RAB11FIP4: variants seen among roughly 807,000 people sequenced by gnomAD.
RAB11FIP4 encodes rab11 family-interacting protein 4.
RAB11FIP4 carries 23 observed loss-of-function variants against 74.3 expected under a neutral mutation model. That is an observed-to-expected ratio of 0.31 (90% CI 0.22 to 0.44). The LOEUF (loss-of-function observed/expected upper bound fraction) is 0.44. Among genes scored for constraint, RAB11FIP4 ranks in the 20% least tolerant of loss-of-function variants. The pLI, the probability that RAB11FIP4 is intolerant of heterozygous loss-of-function variation, is 1.00. For missense variants in RAB11FIP4, 630 were observed against 863.9 expected, an observed-to-expected ratio of 0.73 and a Z score of 3.39; for synonymous variants, 360 against 359.9, an observed-to-expected ratio of 1.00 and a Z score of 0.00.
intron 7 of RAB11FIP4, 69 bp from the exon 8 acceptor site, chr17:31,523,443 C>T (rs1424288319): frequency 2.5e-5 from 31 of 1,250,946 alleles, no homozygotes; most frequent in South Asian, 1.9e-4. Context: ...CTCGCCTAGC[C>T]AGTAGTGTGA....
intron 4 of RAB11FIP4, among the ~76,000 whole-genome samples, chr17:31,519,037 C>CG (rs2072614923): frequency 9.3e-6 from 1 of 107,792 alleles, no homozygotes; most frequent in Non-Finnish European, 1.8e-5. Context: ...TTTTTTGAGA[C>CG]GGAGTCTCGC....
chr17:31,399,857 A>T (rs2070967752), intron 1 of RAB11FIP4, among the ~76,000 whole-genome samples: 1 of 151,922 alleles, frequency 6.6e-6, no homozygotes, highest in Admixed American at 6.6e-5. Context: ...CACCCTGGCC[A>T]ACATGGTGAA....
chr17:31,475,893 A>G (rs1263959021), intron 3 of RAB11FIP4, among the ~76,000 whole-genome samples: 2 of 150,014 alleles, frequency 1.3e-5, no homozygotes, highest in African/African-American at 4.9e-5. Flanking sequence ...TGCCTTGTGG[A>G]GAAAATAACG....
chr17:31,503,078 G>C (rs2072252101), intron 3 of RAB11FIP4, among the ~76,000 whole-genome samples: 1 of 152,034 alleles, frequency 6.6e-6, no homozygotes, highest in Non-Finnish European at 1.5e-5. Flanking sequence ...TGTTGCCCAG[G>C]CTGGAGTGCA....
intron 1 of RAB11FIP4, among the ~76,000 whole-genome samples, chr17:31,410,452 G>A (rs537196647): frequency 6.6e-5 from 10 of 152,296 alleles, no homozygotes; most frequent in Admixed American, 2.0e-4. Context: ...GGTGGCTCAC[G>A]TCTGTAATCC....
intron 3 of RAB11FIP4, among the ~76,000 whole-genome samples, chr17:31,463,152 A>G (rs2071649213): frequency 6.6e-6 from 1 of 152,144 alleles, no homozygotes. Context: ...GCATAGTCCC[A>G]TTATGTAAGG....
At chr17:31,528,009 G>A (rs1324584709) in intron 11 of RAB11FIP4, 86 bp downstream of exon 11, 18 of 1,032,452 alleles carry the variant, frequency 1.7e-5, no homozygotes, top group South Asian at 1.4e-4. Context: ...AACAAATGCC[G>A]CACCCCCTAA....
At chr17:31,491,879 C>T (rs2072015754) in intron 3 of RAB11FIP4, among the ~76,000 whole-genome samples, 1 of 152,200 alleles carries the variant, frequency 6.6e-6, no homozygotes, top group African/African-American at 2.4e-5. Context: ...CTGCCACAGA[C>T]TTCCCTGCCC....
At chr17:31,441,455 T>C (rs1661119101) in intron 3 of RAB11FIP4, among the ~76,000 whole-genome samples, 1 of 152,310 alleles carries the variant, frequency 6.6e-6, no homozygotes, top group East Asian at 1.9e-4. Context: ...ACAACTGATG[T>C]ATAGGATAGG....
chr17:31,429,794 G>A (rs867846087), intron 1 of RAB11FIP4, among the ~76,000 whole-genome samples: 98 of 134,030 alleles, frequency 7.3e-4, no homozygotes, highest in African/African-American at 1.1e-3. Flanking sequence ...GCGCCACTGC[G>A]CTCCAGCCTG....
At chr17:31,457,942 C>G (rs1302819671) in intron 3 of RAB11FIP4, among the ~76,000 whole-genome samples, 1 of 152,202 alleles carries the variant, frequency 6.6e-6, no homozygotes, top group Admixed American at 6.5e-5. Flanking sequence ...AGGGAACCTT[C>G]CAGTCTGACC....
At chr17:31,461,392 A>G (rs1303520021) in intron 3 of RAB11FIP4, among the ~76,000 whole-genome samples, 1 of 152,174 alleles carries the variant, frequency 6.6e-6, no homozygotes, top group Non-Finnish European at 1.5e-5. Flanking sequence ...GGCACTGAGC[A>G]CTGATGTAAG....
intron 1 of RAB11FIP4, among the ~76,000 whole-genome samples, chr17:31,393,372 G>A (rs537558164): frequency 7.9e-5 from 12 of 152,172 alleles, no homozygotes; most frequent in South Asian, 2.1e-4. Context: ...GGGGATAGTC[G>A]CGCTCCTTCC....
chr17:31,508,930 G>C (rs1221027446), intron 3 of RAB11FIP4: 1 of 152,504 alleles, frequency 6.6e-6, no homozygotes, highest in Non-Finnish European at 1.5e-5. Flanking sequence ...TGAAAACACT[G>C]AAAGAAAGGC....
intron 1 of RAB11FIP4, among the ~76,000 whole-genome samples, chr17:31,395,118 C>T (rs1442643967): frequency 1.3e-5 from 2 of 151,892 alleles, no homozygotes; most frequent in African/African-American, 2.4e-5. Flanking sequence ...TACCACCTAC[C>T]CCCAGAATAC....
intron 3 of RAB11FIP4, among the ~76,000 whole-genome samples, chr17:31,446,768 C>T (rs937068808): frequency 6.6e-6 from 1 of 152,190 alleles, no homozygotes; most frequent in Non-Finnish European, 1.5e-5. Context: ...CAGCCACTTG[C>T]TGGGACACCA....
At chr17:31,410,189 T>C (rs1486307590) in intron 1 of RAB11FIP4, among the ~76,000 whole-genome samples, 1 of 151,920 alleles carries the variant, frequency 6.6e-6, no homozygotes, top group African/African-American at 2.4e-5. Flanking sequence ...CTCTGTGTCT[T>C]TGGGGATATT....
At chr17:31,442,434 C>T (rs370950255) in intron 3 of RAB11FIP4, among the ~76,000 whole-genome samples, 2 of 152,196 alleles carry the variant, frequency 1.3e-5, no homozygotes, top group East Asian at 3.8e-4. Flanking sequence ...ATTACAGACC[C>T]CACGAGCCAA....
chr17:31,495,412 C>T (rs1388963481), intron 3 of RAB11FIP4, among the ~76,000 whole-genome samples: 2 of 114,964 alleles, frequency 1.7e-5, no homozygotes, highest in Non-Finnish European at 3.5e-5. Context: ...TTTCGCATTT[C>T]TGCCCAGGCT....
Sources: gnomAD v4.1 joint callset for allele counts (sites outside exome capture counted in the v4.1 genomes callset) on GRCh38, gnomAD v4.1.1 for gene constraint, MANE v1.5 for transcripts, NCBI Gene and HGNC (gene_info 2026-07-23, HGNC 2026-07-21) for gene names.